Variants in GRB7 observed in about 807,000 individuals in gnomAD.
The protein encoded by GRB7 is growth factor receptor-bound protein 7.
Under a neutral mutation model 64.1 loss-of-function variants are expected in GRB7, and 47 were observed. The observed-to-expected ratio is 0.73, with a 90% CI of 0.58 to 0.94. The LOEUF is 0.94. GRB7 is among the 40% of genes least tolerant of loss of function. GRB7 has a pLI of 0.00. For missense variants in GRB7, 634 were observed against 718.4 expected (o/e 0.88, Z 1.34); for synonymous variants, 277 against 279.9 (o/e 0.99, Z 0.10).
Position 39,742,631 on chromosome 17 carries a change from T to A in GRB7, c.221T>A (p.Leu74His), listed in dbSNP as rs771897042. ...TCTATCCCCAACCCCTTCCCTGAGC[T>A]CTGCAGTCCTCCCTCACAGAGCCCA... ...LPSIPNPFPE[L>H]CSPPSQSPIL... is the part of the protein sequence containing the mutation. Residue 74 changes from leucine (L) to histidine (H), a missense_variant, in exon 3 of 15, where the codon CTC (leucine) becomes CAC (histidine). Coordinates refer to ENST00000309156, the MANE Select transcript of GRB7 (RefSeq NM_005310.5). 4 of 1,612,338 alleles carry A rather than the reference T, an allele frequency of 2.5e-6. No individual in the cohort carries two copies. The highest frequency in any genetic ancestry group is 2.5e-6 in the Non-Finnish European group (3 of 1,179,378).
Position 39,745,337 on chromosome 17 carries a change from A to C in GRB7, c.1092+14A>C. 8.7e-7 allele frequency: 1 copy of C among 1,147,980 alleles called. No homozygotes were observed. Among genetic ancestry groups the C allele is most frequent in the Non-Finnish European group, 1.3e-6 (1 of 794,042 alleles). The allele number at this position is 1,147,980 out of a possible 1,614,324, so 71.1% of individuals were successfully genotyped here. On this transcript the variant is annotated intron_variant, in intron 10 of 14. Coordinates refer to ENST00000309156, the MANE Select transcript of GRB7 (RefSeq NM_005310.5). ...TCCCCACCCTTGGTGAGTGTGCCCA[A>C]GGGGATGGGAGGGTGGGTATGCAGG...
At chr17:39,746,478 A>G (rs1003084509) in intron 14 of GRB7, among the ~76,000 whole-genome samples, 6 of 152,060 alleles carry the variant, frequency 3.9e-5, no homozygotes, top group Non-Finnish European at 8.8e-5. Context: ...TGAGCCAGGC[A>G]TGGTGGTGCA....
At position 39,744,211 on chromosome 17, in the gene GRB7, A is replaced by T. The variant is rs377620589; in HGVS notation, c.801+4A>T. On this transcript the variant is annotated splice_donor_region_variant and intron_variant, in intron 7 of 14. Coordinates refer to ENST00000309156, the MANE Select transcript of GRB7 (RefSeq NM_005310.5). ...CTCCACCAAGGGCACCTCTAAGGTA[A>T]GGTCTTGAGGGTACCAGCCCCAGCC... The T allele has an allele frequency of 1.1e-5, 18 of 1,613,618 alleles. No individual in the cohort carries two copies. In the Admixed American group the frequency reaches 1.2e-4, roughly 10 times the overall value.
chr17:39,744,307 C>G, intron 7 of GRB7, 100 bp downstream of exon 7: 3 of 1,398,946 alleles, frequency 2.1e-6, no homozygotes, highest in Non-Finnish European at 2.0e-6. Context: ...TCCCCCTGGG[C>G]CCCCCAGGCC....
chr17:39,745,731 A>G lies in GRB7; in HGVS notation c.1213A>G (p.Lys405Glu), dbSNP rs767549029. The change falls in exon 12 of 15, where the codon AAG becomes GAG. Residue 405 changes from lysine (K) to glutamate (E), a missense_variant. Physicochemically the swap from Lys to Glu is moderately conservative, Grantham distance 56 (BLOSUM62 1). Transcript: ENST00000309156. ...ALEEAQAWRK[K>E]TNHRLSLPMP... ...CGTATCTCCCACTGCTCCACAGAAG[A>G]AGACAAACCACCGCCTCAGCCTGCC... The G allele has an allele frequency of 3.7e-6, 6 of 1,613,654 alleles. No homozygotes were observed. Among genetic ancestry groups the G allele is most frequent in the Non-Finnish European group, 5.1e-6 (6 of 1,179,990 alleles).
intron 6 of GRB7, chr17:39,743,677 T>C: frequency 1.6e-6 from 1 of 608,370 alleles, no homozygotes. Context: ...CATTTCCTTG[T>C]AAAAACCTGA....
chr17:39,739,342 G>A (rs1033294276), intron 1 of GRB7, among the ~76,000 whole-genome samples: 3 of 152,222 alleles, frequency 2.0e-5, no homozygotes, highest in Admixed American at 6.5e-5. Flanking sequence ...CTTTAAAAGA[G>A]CTGCCCCGCC....
intron 7 of GRB7, 72 bp from the exon 8 acceptor site, chr17:39,744,481 C>T: frequency 1.6e-6 from 2 of 1,275,490 alleles, no homozygotes; most frequent in Non-Finnish European, 2.2e-6. Flanking sequence ...AATCTCCCCA[C>T]CTGGCTTGTG....
At position 39,742,927 on chromosome 17, in the gene GRB7, C is replaced by G; in HGVS notation, c.336C>G (p.Ala112=). ...HVVKVYSEDG[A]CRSVEVAAGA... ...TAAAGGTGTACAGTGAGGATGGGGC[C>G]TGCAGGTCTGTGGAGGTGGCAGCAG... The change falls in exon 4 of 15, where the codon GCC becomes GCG. Residue 112 remains alanine (A), a synonymous_variant. Coordinates refer to ENST00000309156, the MANE Select transcript of GRB7 (RefSeq NM_005310.5). 6.2e-7 allele frequency: 1 copy of G among 1,609,798 alleles called. No individual in the cohort carries two copies. The highest frequency in any genetic ancestry group is 8.5e-7 in the Non-Finnish European group (1 of 1,177,608).
intron 12 of GRB7, 25 bp downstream of exon 12, chr17:39,745,813 G>A (rs773262082): frequency 1.2e-6 from 2 of 1,613,828 alleles, no homozygotes; most frequent in Non-Finnish European, 8.5e-7. Context: ...CGAGTCCTGG[G>A]GCGGGGGCTG....
Position 39,746,125 on chromosome 17 carries a change from G to A in GRB7, c.1375G>A (p.Glu459Lys), listed in dbSNP as rs751936242. ...TTCTGGCAGCCTGTTCCTGGTCCGGGAGAGTCAGCGGAACCCCCAGGGCTT... is the reference window on the plus strand; with the variant it reads ...TTCTGGCAGCCTGTTCCTGGTCCGGAAGAGTCAGCGGAACCCCCAGGGCTT... ...GLVDGLFLVR[E>K]SQRNPQGFVL... The change falls in exon 14 of 15, where the codon GAG (glutamate) becomes AAG (lysine). Residue 459 changes from glutamate (E) to lysine (K), a missense_variant. Glu to Lys is a moderately conservative substitution (Grantham distance 56). This residue lies in a region of GRB7 where 467 missense variants were observed against 576.6 expected (regional missense o/e 0.81). Coordinates refer to ENST00000309156, the MANE Select transcript of GRB7 (RefSeq NM_005310.5). The A allele has an allele frequency of 6.2e-7, 1 of 1,613,994 alleles. No homozygotes were observed. The highest frequency in any genetic ancestry group is 1.3e-5 in the African/African-American group (1 of 74,908).
At chr17:39,745,042 C>T in intron 9 of GRB7, 58 bp downstream of exon 9, 2 of 1,411,628 alleles carry the variant, frequency 1.4e-6, no homozygotes, top group Non-Finnish European at 2.0e-6. Context: ...CCCAGCTCTG[C>T]CCTCAGGAAG....
At chr17:39,743,947 C>A (rs1440130717) in intron 6 of GRB7, 123 bp from the exon 7 acceptor site, 8 of 1,258,840 alleles carry the variant, frequency 6.4e-6, no homozygotes, top group Non-Finnish European at 1.1e-6. Context: ...GAGCTGTGAT[C>A]GTGCCACCGC....
rs755721511 is a variant in GRB7, at chr17:39,745,882, A to G, written c.1271-31A>G. ...AGATGGTATAGGGGTCCCCTCCCCA[A>G]AGTGACCGCCCATGTCCTTCCCCAC... On this transcript the variant is annotated intron_variant, in intron 12 of 14. Coordinates refer to ENST00000309156, the MANE Select transcript of GRB7 (RefSeq NM_005310.5). 6 of 1,613,426 alleles carry G rather than the reference A, an allele frequency of 3.7e-6. No homozygotes were observed. The East Asian group carries it at 6.7e-5, about 18-fold the overall frequency.
In GRB7 at chr17:39,746,831, C is replaced by T. The variant is rs1460601079; in HGVS notation, c.1533C>T (p.Phe511=). ...CTGACCTGCTGCAGCTCGTGGAGTTCCACCAGCTGAACCGCGGCATCCTGC... is the reference window on the plus strand; with the variant it reads ...CTGACCTGCTGCAGCTCGTGGAGTTTCACCAGCTGAACCGCGGCATCCTGC... ...RFTDLLQLVE[F]HQLNRGILPC... is the part of the protein sequence containing the mutation. Residue 511 remains phenylalanine (F), a synonymous_variant, in exon 15 of 15, where the codon TTC becomes TTT. Transcript: ENST00000309156. 3 of 1,613,832 alleles carry T rather than the reference C, an allele frequency of 1.9e-6. No individual in the cohort carries two copies. The highest frequency in any genetic ancestry group is 2.5e-6 in the Non-Finnish European group (3 of 1,180,036).
Position 39,742,804 on chromosome 17 carries a change from C to T in GRB7, c.306+88C>T. 2.6e-6 allele frequency: 4 copies of T among 1,523,264 alleles called. No homozygotes were observed. The Admixed American group carries it at 8.5e-5, about 32-fold the overall frequency. 94.4% of individuals were successfully genotyped at this position (1,523,264 alleles called of 1,614,324 possible). On this transcript the variant is annotated intron_variant, in intron 3 of 14. Transcript: ENST00000309156. ...AGCCGCTTCCATGGAGGCAGGGGAT[C>T]TTGGTTAGGAGTCCCTGAGGGTCTA... is the stretch of plus-strand genomic sequence containing the variant.
intron 1 of GRB7, chr17:39,740,269 T>C: frequency 1.6e-6 from 1 of 628,086 alleles, no homozygotes; most frequent in Non-Finnish European, 2.0e-6. Context: ...GTCGTGCCCC[T>C]CCTGGCAGGA....
chr17:39,744,150 C>T lies in GRB7; in HGVS notation c.744C>T (p.Arg248=). The T allele has an allele frequency of 6.2e-7, 1 of 1,614,128 alleles. No individual in the cohort carries two copies. The highest frequency in any genetic ancestry group is 1.1e-5 in the South Asian group (1 of 91,082). ...GTTCAGGACGGAAGCTTTGGAAACG[C>T]TTTTTCTGCTTCTTGCGCCGATCTG... ...LRGSGRKLWK[R]FFCFLRRSGL... Residue 248 remains arginine, a synonymous_variant, in exon 7 of 15, where the codon CGC becomes CGT. Transcript: ENST00000309156.
rs2060051616 is a variant in GRB7 at position 39,746,792 on chromosome 17, C to T, written c.1494C>T (p.Gly498=). ...EGRLYFSMDD[G]QTRFTDLLQL... Reference sequence around the variant, plus strand: ...GCCTGTACTTCAGCATGGATGATGGCCAGACCCGCTTCACTGACCTGCTGC... The same window carrying T: ...GCCTGTACTTCAGCATGGATGATGGTCAGACCCGCTTCACTGACCTGCTGC... The change falls in exon 15 of 15, where the codon GGC becomes GGT. Residue 498 remains glycine (G), a synonymous_variant. Transcript: ENST00000309156. 6.2e-7 allele frequency: 1 copy of T among 1,613,996 alleles called. No individual in the cohort carries two copies. Among genetic ancestry groups the T allele is most frequent in the Non-Finnish European group, 8.5e-7 (1 of 1,180,052 alleles).
Sources: allele counts gnomAD v4.1 joint callset (sites outside exome capture counted in the v4.1 genomes callset), GRCh38; gene constraint gnomAD v4.1.1; regional missense constraint gnomAD v4.1.1; transcripts MANE v1.5; gene names NCBI Gene and HGNC (gene_info 2026-07-23, HGNC 2026-07-21).